The following ATP6V1G1 variants were observed in gnomAD, a reference collection of about 807,000 sequenced individuals.
ATP6V1G1 encodes ATPase H+ transporting V1 subunit G1, also known as V-type proton ATPase subunit G 1.
Under a neutral mutation model 14.2 loss-of-function variants are expected in ATP6V1G1, and 14 were observed. The observed-to-expected ratio is 0.99, with a 90% CI of 0.65 to 1.55. The LOEUF (loss-of-function observed/expected upper bound fraction) is 1.55. Among genes scored for constraint, ATP6V1G1 ranks in the 40% most tolerant of loss-of-function variants. The pLI is 0.00. For synonymous variants in ATP6V1G1, 65 were observed against 53.3 expected (o/e 1.22, Z -0.96); for missense variants, 137 against 146.4 (o/e 0.94, Z 0.33).
At chr9:114,592,296 A>AT (rs556916858) in intron 1 of ATP6V1G1, among the ~76,000 whole-genome samples, 2 of 151,988 alleles carry the variant, frequency 1.3e-5, no homozygotes, top group South Asian at 4.1e-4. Flanking sequence ...ACATTCTACA[A>AT]TTTTTTTCCA....
intron 2 of ATP6V1G1, among the ~76,000 whole-genome samples, chr9:114,595,318 T>C (rs962138697): frequency 6.6e-6 from 1 of 152,178 alleles, no homozygotes; most frequent in South Asian, 2.1e-4. Context: ...GTTAATGAAA[T>C]GCCCCAGGAG....
In ATP6V1G1 at chr9:114,598,583, T is replaced by C. The variant is rs1293157705; in HGVS notation, c.*840T>C. Among the ~76,000 whole-genome samples, 3 of 152,214 alleles carry C rather than the reference T, an allele frequency of 2.0e-5. No individual in the cohort carries two copies. The East Asian group carries it at 5.8e-4, about 29-fold the overall frequency. On this transcript the variant is annotated 3_prime_UTR_variant, in exon 3 of 3. Coordinates refer to ENST00000374050, the MANE Select transcript of ATP6V1G1 (RefSeq NM_004888.4). ...GTCATGTGATTTCTTCCAACAAATGTTTTGGAAAACAGCAAGCAACTAGTC... is the reference window on the plus strand; with the variant it reads ...GTCATGTGATTTCTTCCAACAAATGCTTTGGAAAACAGCAAGCAACTAGTC...
At chr9:114,588,990 C>G (rs1845157555) in intron 1 of ATP6V1G1, among the ~76,000 whole-genome samples, 1 of 152,194 alleles carries the variant, frequency 6.6e-6, no homozygotes, top group South Asian at 2.1e-4. Context: ...TGTGGTCCCT[C>G]AGAAGCAGCA....
intron 1 of ATP6V1G1, among the ~76,000 whole-genome samples, chr9:114,589,154 G>A (rs1394363047): frequency 6.6e-6 from 1 of 152,162 alleles, no homozygotes; most frequent in East Asian, 1.9e-4. Flanking sequence ...CCTGACTCAT[G>A]CTTGTCCCCC....
intron 1 of ATP6V1G1, among the ~76,000 whole-genome samples, chr9:114,590,493 C>CAT (rs1332092927): frequency 1.3e-5 from 2 of 151,840 alleles, no homozygotes; most frequent in Non-Finnish European, 2.9e-5. Flanking sequence ...TTAGTAGAGA[C>CAT]AGTGTTTTAC....
In ATP6V1G1 at chr9:114,598,320, C is replaced by CATGT. The variant is rs1329423049; in HGVS notation, c.*580_*583dup. ...GATGATAGAATTCAAGAACTTGTTA[C>CATGT]ATGTATTACTTGGTGTATCGATAAT... On this transcript the variant is annotated 3_prime_UTR_variant, in exon 3 of 3. Transcript: ENST00000374050. 6.6e-6 allele frequency: 1 copy of CATGT among 152,480 alleles called. No individual in the cohort carries two copies. Among genetic ancestry groups the CATGT allele is most frequent in the Non-Finnish European group, 1.5e-5 (1 of 68,018 alleles). The allele number at this position is 152,480 out of a possible 1,614,324, so 9.4% of individuals were successfully genotyped here.
At position 114,590,505 on chromosome 9, in the gene ATP6V1G1, A is replaced by G. The variant is rs532653892; in HGVS notation, c.83-2047A>G. Among the ~76,000 whole-genome samples, 129 of 152,116 alleles carry G rather than the reference A, an allele frequency of 8.5e-4. 2 individuals carry two copies. Among genetic ancestry groups the G allele is most frequent in the African/African-American group, 2.8e-3 (116 of 41,548 alleles). On this transcript the variant is annotated intron_variant, in intron 1 of 2. Transcript: ENST00000374050. The stretch of plus-strand genomic sequence containing the variant: ...TTTTTAGTAGAGACAGTGTTTTACT[A>G]TGTCGGCCGGGTTCTTCTCAAACTC...
At chr9:114,590,025 C>T (rs1281019719) in intron 1 of ATP6V1G1, among the ~76,000 whole-genome samples, 5 of 151,530 alleles carry the variant, frequency 3.3e-5, no homozygotes, top group African/African-American at 1.2e-4. Context: ...TGGAGAAACT[C>T]CGTGTCTACT....
chr9:114,596,750 C>T lies in ATP6V1G1; in HGVS notation c.184-820C>T, dbSNP rs575771045. On this transcript the variant is annotated intron_variant, in intron 2 of 2. Coordinates refer to ENST00000374050, the MANE Select transcript of ATP6V1G1 (RefSeq NM_004888.4). ...CTGAGACTACAGGCATGCACCACCA[C>T]GACTGGCTTGTGTTTATTATTATTT... Among the ~76,000 whole-genome samples, 25 of 152,250 alleles carry T rather than the reference C, an allele frequency of 1.6e-4. 1 individual carries two copies. In the South Asian group the frequency reaches 4.1e-3, roughly 25 times the overall value.
At chr9:114,594,420 G>T (rs1845214871) in intron 2 of ATP6V1G1, among the ~76,000 whole-genome samples, 1 of 145,346 alleles carries the variant, frequency 6.9e-6, no homozygotes. Flanking sequence ...GTCTTGCTCT[G>T]TCACCCAGGC....
rs1845186184 is a variant in ATP6V1G1, at chr9:114,591,936, T to A, written c.83-616T>A. Reference sequence around the variant, plus strand: ...TCCAGCTGTATGTTAAGCCACTCACTTCTAGAAACCAAAATACCTGTGTCT... The same window carrying A: ...TCCAGCTGTATGTTAAGCCACTCACATCTAGAAACCAAAATACCTGTGTCT... On this transcript the variant is annotated intron_variant, in intron 1 of 2. Transcript: ENST00000374050. Among the ~76,000 whole-genome samples, 11 of 152,170 alleles carry A rather than the reference T, an allele frequency of 7.2e-5. No homozygotes were observed. The South Asian group carries it at 2.3e-3, about 32-fold the overall frequency.
chr9:114,593,144 AC>A (rs1845201417), intron 2 of ATP6V1G1, among the ~76,000 whole-genome samples: 2 of 152,240 alleles, frequency 1.3e-5, no homozygotes, highest in Admixed American at 6.5e-5. Context: ...CAATAATAGT[AC>A]AAAAACAGAT....
intron 2 of ATP6V1G1, among the ~76,000 whole-genome samples, chr9:114,596,438 T>C (rs12553341): frequency 0.055 from 8,255 of 151,356 alleles, 410 homozygotes; most frequent in East Asian, 0.23. Flanking sequence ...TTAGTTTTCC[T>C]CTCTCTCAGA....
At chr9:114,597,369 T>C (rs1845250430) in intron 2 of ATP6V1G1, among the ~76,000 whole-genome samples, 1 of 152,204 alleles carries the variant, frequency 6.6e-6, no homozygotes, top group African/African-American at 2.4e-5. Flanking sequence ...CTGTGTAGTT[T>C]ACTTTTGGTA....
At chr9:114,589,105 G>C (rs1845158718) in intron 1 of ATP6V1G1, among the ~76,000 whole-genome samples, 1 of 152,120 alleles carries the variant, frequency 6.6e-6, no homozygotes, top group Non-Finnish European at 1.5e-5. Context: ...TCTTCCATCA[G>C]ACCTCAATTT....
rs1258208887 is a variant in ATP6V1G1 at position 114,597,740 on chromosome 9, A to G, written c.354A>G (p.Gly118=). Residue 118 remains glycine, a synonymous_variant, in exon 3 of 3, where the codon GGA becomes GGG. Transcript: ENST00000374050. ...PEIHENYRIN[G] Reference sequence around the variant, plus strand: ...TCCATGAAAACTACCGCATAAATGGATAGAAGAGAGAAGCACCTGTGCTGT... The same window carrying G: ...TCCATGAAAACTACCGCATAAATGGGTAGAAGAGAGAAGCACCTGTGCTGT... 6.3e-7 allele frequency: 1 copy of G among 1,577,246 alleles called. No homozygotes were observed. Among genetic ancestry groups the G allele is most frequent in the Non-Finnish European group, 8.6e-7 (1 of 1,166,614 alleles).
At chr9:114,588,330 A>G (rs1845148212) in intron 1 of ATP6V1G1, among the ~76,000 whole-genome samples, 1 of 151,324 alleles carries the variant, frequency 6.6e-6, no homozygotes, top group South Asian at 2.1e-4. Flanking sequence ...TCATTTAGTC[A>G]GTCGCCAAGG....
chr9:114,597,699 G>C lies in ATP6V1G1; in HGVS notation c.313G>C (p.Asp105His). Residue 105 changes from aspartate (D) to histidine (H), a missense_variant, in exon 3 of 3, where the codon GAC (aspartate) becomes CAC (histidine). Physicochemically the swap from Asp to His is moderately conservative, Grantham distance 81. Transcript: ENST00000374050. ...VLDNLLAFVC[D>H]IRPEIHENYR... ...GGACAACCTCTTGGCTTTTGTCTGT[G>C]ACATTCGGCCAGAAATCCATGAAAA... The C allele has an allele frequency of 6.3e-7, 1 of 1,588,490 alleles. No homozygotes were observed. The highest frequency in any genetic ancestry group is 8.5e-7 in the Non-Finnish European group (1 of 1,170,486).
chr9:114,588,106 A>G, intron 1 of ATP6V1G1, 186 bp downstream of exon 1: 2 of 641,248 alleles, frequency 3.1e-6, no homozygotes, highest in Non-Finnish European at 5.3e-6. Context: ...CCTGGAAGCC[A>G]CGATGTGAGA....
Sources: allele counts gnomAD v4.1 joint callset (sites outside exome capture counted in the v4.1 genomes callset), GRCh38; gene constraint gnomAD v4.1.1; transcripts MANE v1.5; gene names NCBI Gene and HGNC (gene_info 2026-07-23, HGNC 2026-07-21).